The following LRRC37A2 variants were observed in gnomAD, a reference collection of about 807,000 sequenced individuals.
LRRC37A2 encodes leucine-rich repeat-containing protein 37A2.
Under a neutral mutation model 68.8 loss-of-function variants are expected in LRRC37A2, and 9 were observed. The observed-to-expected ratio is 0.13, with a 90% CI of 0.08 to 0.23. The LOEUF (loss-of-function observed/expected upper bound fraction) is 0.23, where lower values mean the gene tolerates loss of function less well. Among genes scored for constraint, LRRC37A2 ranks in the 10% least tolerant of loss-of-function variants. The probability of loss-of-function intolerance (pLI) is 1.00; values close to 1 mark genes in which losing one functional copy is unlikely to be tolerated. For synonymous variants in LRRC37A2, 63 were observed against 367.6 expected, an observed-to-expected ratio of 0.17 and a Z score of 9.48; for missense variants, 168 against 950.4, an observed-to-expected ratio of 0.18 and a Z score of 10.82.
rs1292418499 is a variant in LRRC37A2 at position 46,532,826 on chromosome 17, T to C, written c.2907-7350T>C. ...AATTTGGTCTTCTGTATTTTTGCAGTGCAGTGGCTCACACCTGTCATCCTA... is the reference window on the plus strand; with the variant it reads ...AATTTGGTCTTCTGTATTTTTGCAGCGCAGTGGCTCACACCTGTCATCCTA... On this transcript the variant is annotated intron_variant, in intron 6 of 14. Coordinates refer to ENST00000576629, the Ensembl canonical transcript of LRRC37A2. 1.3e-5 allele frequency among the ~76,000 whole-genome samples: 2 copies of C among 149,680 alleles called. 1 individual carries two copies. Among genetic ancestry groups the C allele is most frequent in the African/African-American group, 5.1e-5 (2 of 39,446 alleles).
chr17:46,900,182 T>TATATAC, the LRRC37A2 span, among the ~76,000 whole-genome samples: 1 of 122,262 alleles, frequency 8.2e-6, no homozygotes, highest in African/African-American at 4.2e-5. Context: ...TATATATATA[T>TATATAC]ATATATATAT....
chr17:46,772,235 ACT>A, the LRRC37A2 span, among the ~76,000 whole-genome samples: 1 of 150,834 alleles, frequency 6.6e-6, no homozygotes, highest in Non-Finnish European at 1.5e-5. Flanking sequence ...AAATTCCCAA[ACT>A]CTCGGGCACA....
At chr17:46,709,931 T>G in the LRRC37A2 span, among the ~76,000 whole-genome samples, 1 of 152,228 alleles carries the variant, frequency 6.6e-6, no homozygotes, top group African/African-American at 2.4e-5. Flanking sequence ...AGGACCAGTA[T>G]ATGCAAAGAG....
chr17:46,992,099 G>A, the LRRC37A2 span, among the ~76,000 whole-genome samples: 1 of 152,150 alleles, frequency 6.6e-6, no homozygotes, highest in Non-Finnish European at 1.5e-5. Context: ...GGTGGCTCAT[G>A]CCTGTAATCC....
chr17:46,943,410 GTCT>G, the LRRC37A2 span, among the ~76,000 whole-genome samples: 1 of 152,202 alleles, frequency 6.6e-6, no homozygotes, highest in Non-Finnish European at 1.5e-5. Context: ...GGACTGCTTG[GTCT>G]TCTCAGAACA....
At chr17:46,729,082 C>T in the LRRC37A2 span, 1 of 547,662 alleles carries the variant, frequency 1.8e-6, no homozygotes, top group South Asian at 2.9e-5. Context: ...GTCTTGACTT[C>T]TGTTTAAGGT....
intron 6 of LRRC37A2, among the ~76,000 whole-genome samples, chr17:46,534,451 C>T (rs1486828101): frequency 1.9e-4 from 29 of 148,814 alleles, no homozygotes; most frequent in Non-Finnish European, 3.3e-4. Context: ...CATCTTGCAC[C>T]GCCCTTAATC....
chr17:46,762,336 T>A, the LRRC37A2 span, among the ~76,000 whole-genome samples: 1 of 152,176 alleles, frequency 6.6e-6, no homozygotes, highest in Non-Finnish European at 1.5e-5. Flanking sequence ...AAATGTACTG[T>A]GGTGTATCAG....
At chr17:46,965,547 C>T in the LRRC37A2 span, among the ~76,000 whole-genome samples, 1 of 152,212 alleles carries the variant, frequency 6.6e-6, no homozygotes, top group Non-Finnish European at 1.5e-5. Context: ...CCTAATCTGC[C>T]ATCCAATTTC....
At chr17:46,779,733 G>A in the LRRC37A2 span, among the ~76,000 whole-genome samples, 1 of 151,716 alleles carries the variant, frequency 6.6e-6, no homozygotes, top group East Asian at 2.0e-4. Context: ...CAGGAGGCCT[G>A]CATGGTGAGC....
the LRRC37A2 span, among the ~76,000 whole-genome samples, chr17:46,863,733 T>C: frequency 6.6e-6 from 1 of 152,124 alleles, no homozygotes; most frequent in Non-Finnish European, 1.5e-5. Context: ...GAGTTAGACA[T>C]GGCAGAGGAC....
At chr17:46,969,148 C>T in the LRRC37A2 span, among the ~76,000 whole-genome samples, 1 of 152,222 alleles carries the variant, frequency 6.6e-6, no homozygotes, top group Non-Finnish European at 1.5e-5. Flanking sequence ...TCCACTCTGG[C>T]TCCCTTTTCT....
chr17:46,783,186 C>T, the LRRC37A2 span, among the ~76,000 whole-genome samples: 2 of 152,176 alleles, frequency 1.3e-5, no homozygotes, highest in South Asian at 2.1e-4. Flanking sequence ...AGAGTGGGTG[C>T]AGGCCCTGAG....
At chr17:46,742,190 C>G in the LRRC37A2 span, among the ~76,000 whole-genome samples, 3 of 152,214 alleles carry the variant, frequency 2.0e-5, no homozygotes, top group African/African-American at 7.2e-5. Context: ...TGGCACGAAG[C>G]ATACATGCCG....
the LRRC37A2 span, among the ~76,000 whole-genome samples, chr17:46,662,031 T>C: frequency 2.5e-3 from 269 of 109,408 alleles, 11 homozygotes; most frequent in East Asian, 0.054. Context: ...TTAGTAGAGA[T>C]GAGGTTTCAC....
the LRRC37A2 span, among the ~76,000 whole-genome samples, chr17:46,490,952 T>G: frequency 6.7e-6 from 1 of 150,024 alleles, no homozygotes; most frequent in Non-Finnish European, 1.5e-5. Context: ...TGGAGTGCAG[T>G]GGCGCGATCT....
At chr17:46,925,587 A>G in the LRRC37A2 span, among the ~76,000 whole-genome samples, 1 of 152,228 alleles carries the variant, frequency 6.6e-6, no homozygotes, top group African/African-American at 2.4e-5. Context: ...CAGTTCCATG[A>G]TAACAGAACT....
At chr17:47,009,021 T>G in the LRRC37A2 span, among the ~76,000 whole-genome samples, 1 of 152,100 alleles carries the variant, frequency 6.6e-6, no homozygotes, top group African/African-American at 2.4e-5. Flanking sequence ...TTTCTTTATT[T>G]TATTACTCGC....
the LRRC37A2 span, chr17:46,978,734 G>T: frequency 6.2e-7 from 1 of 1,612,472 alleles, no homozygotes; most frequent in Non-Finnish European, 8.5e-7. Context: ...GACTTGATGA[G>T]CAGGTTGCAG....
Sources: allele counts gnomAD v4.1 joint callset (sites outside exome capture counted in the v4.1 genomes callset), GRCh38; gene constraint gnomAD v4.1.1; transcripts MANE v1.5; gene names NCBI Gene and HGNC (gene_info 2026-07-23, HGNC 2026-07-21).